The following SBSN variants were observed in gnomAD, a reference collection of about 807,000 sequenced individuals.
SBSN encodes the protein HLAR698.
Under a neutral mutation model 42.8 loss-of-function variants are expected in SBSN, and 33 were observed. The observed-to-expected ratio is 0.77, with a 90% CI of 0.58 to 1.03. The LOEUF is 1.03. SBSN is among the 50% of genes least tolerant of loss of function. SBSN has a pLI of 0.00. For missense variants in SBSN, 646 were observed against 757.3 expected, an observed-to-expected ratio of 0.85 and a Z score of 1.72; for synonymous variants, 276 against 307.0, an observed-to-expected ratio of 0.90 and a Z score of 1.06.
At chr19:35,523,728 G>C (rs977948820) in intron 3 of SBSN, among the ~76,000 whole-genome samples, 195 bp from the exon 4 acceptor site, 2 of 152,188 alleles carry the variant, frequency 1.3e-5, no homozygotes, top group African/African-American at 4.8e-5. Flanking sequence ...AGGCAGAGGG[G>C]CTGGGGCCTC....
chr19:35,524,922 G>A lies in SBSN; in HGVS notation c.1641C>T (p.Gly547=). 1 of 1,613,888 alleles carries A rather than the reference G, an allele frequency of 6.2e-7. No homozygotes were observed. Among genetic ancestry groups the A allele is most frequent in the Middle Eastern group, 1.7e-4 (1 of 6,056 alleles). The part of the protein sequence containing the change: ...ASKEANQLLN[G]NHQSGSSSHQ... ...GGCTGGAAGATCCGCTTTGATGGTT[G>A]CCCTGTGGACAAAGCCCAGACTCTT... Residue 547 remains glycine, a splice_region_variant and synonymous_variant, in exon 2 of 4, where the codon GGC becomes GGT. Coordinates refer to ENST00000452271, the MANE Select transcript of SBSN (RefSeq NM_001166034.2).
In SBSN at chr19:35,528,216, C is replaced by T. The variant is rs768456137; in HGVS notation, c.66G>A (p.Trp22Ter). The T allele has an allele frequency of 1.2e-6, 2 of 1,613,944 alleles. No homozygotes were observed. Among genetic ancestry groups the T allele is most frequent in the Non-Finnish European group, 1.7e-6 (2 of 1,180,024 alleles). ...TCTCAATGGGGTCATCGCTGGCCGCCCATCCAGACAGGGCCCCCAGTAGCA... is the reference window on the plus strand; with the variant it reads ...TCTCAATGGGGTCATCGCTGGCCGCTCATCCAGACAGGGCCCCCAGTAGCA... ...LLLLLGALSGWAASDDPIEKV... is the reference protein window; with the variant it reads ...LLLLLGALSG Residue 22 changes from tryptophan to a stop codon, truncating the protein, a stop_gained, in exon 1 of 4, where the codon TGG becomes TGA. Coordinates refer to ENST00000452271, the MANE Select transcript of SBSN (RefSeq NM_001166034.2). LOFTEE classifies it high-confidence loss of function.
In SBSN at chr19:35,523,462, T is replaced by C. The variant is rs763833261; in HGVS notation, c.*48A>G. The C allele has an allele frequency of 6.2e-7, 1 of 1,600,942 alleles. No homozygotes were observed. Among genetic ancestry groups the C allele is most frequent in the South Asian group, 1.1e-5 (1 of 90,822 alleles). ...CCCAACCCCTCCAGGTCATGTCAGC[T>C]GATGTGACAACGGCGACATTATTCT... On this transcript the variant is annotated 3_prime_UTR_variant, in exon 4 of 4. Coordinates refer to ENST00000452271, the MANE Select transcript of SBSN (RefSeq NM_001166034.2).
chr19:35,525,692 A>G (rs1568672219), intron 1 of SBSN, among the ~76,000 whole-genome samples: 1 of 151,032 alleles, frequency 6.6e-6, no homozygotes, highest in Non-Finnish European at 1.5e-5. Flanking sequence ...TTTTATTATT[A>G]TTTTTTTTGA....
At chr19:35,524,808 C>G in intron 2 of SBSN, 51 bp downstream of exon 2, 1 of 1,613,708 alleles carries the variant, frequency 6.2e-7, no homozygotes, top group Non-Finnish European at 8.5e-7. Context: ...CACAGCCATG[C>G]TAGGGAACTC....
Position 35,523,534 on chromosome 19 carries a change from C to G in SBSN, c.1750-1G>C. ...TTTAGGGCATGATGTTGGCGACGCT[C>G]TGGAAGAGAGAAGGAGAGCAGGGGT... On this transcript the variant is annotated splice_acceptor_variant, in intron 3 of 3. Coordinates refer to ENST00000452271, the MANE Select transcript of SBSN (RefSeq NM_001166034.2). LOFTEE classifies it high-confidence loss of function. The G allele has an allele frequency of 6.2e-7, 1 of 1,614,116 alleles. No homozygotes were observed. The highest frequency in any genetic ancestry group is 8.5e-7 in the Non-Finnish European group (1 of 1,180,022).
rs377199459 is a variant in SBSN at position 35,526,641 on chromosome 19, T to C, written c.1638+3A>G. Reference sequence around the variant, plus strand: ...CCCCATCTCCCCATCCCTGTTCACCTACATTCAGCAGCTGGTTGGCCTCCT... The same window carrying C: ...CCCCATCTCCCCATCCCTGTTCACCCACATTCAGCAGCTGGTTGGCCTCCT... On this transcript the variant is annotated splice_donor_region_variant and intron_variant, in intron 1 of 3. Transcript: ENST00000452271. 311 of 869,486 alleles carry C rather than the reference T, an allele frequency of 3.6e-4. 1 individual carries two copies. The African/African-American group carries it at 6.5e-3, about 18-fold the overall frequency. The allele number at this position is 869,486 out of a possible 1,614,324, so 53.9% of individuals were successfully genotyped here. A position where few individuals can be genotyped will look rare whatever the true frequency, so the allele number is the denominator to read the frequency against.
chr19:35,524,806 T>C, intron 2 of SBSN, 51 bp from the exon 3 acceptor site: 1 of 1,613,616 alleles, frequency 6.2e-7, no homozygotes. Context: ...CCCACAGCCA[T>C]GCTAGGGAAC....
At chr19:35,523,610 T>TTGTGCTTCTCCCGAGGGG in intron 3 of SBSN, 77 bp from the exon 4 acceptor site, 4 of 1,458,410 alleles carry the variant, frequency 2.7e-6, no homozygotes, top group Non-Finnish European at 3.9e-6. Flanking sequence ...GCCCCGCCCC[T>TTGTGCTTCTCCCGAGGGG]CGGGAGAAGC....
Position 35,527,376 on chromosome 19 carries a change from A to T in SBSN, c.906T>A (p.His302Gln), listed in dbSNP as rs374171492. The T allele has an allele frequency of 6.4e-7, 1 of 1,557,704 alleles. No individual in the cohort carries two copies. Residue 302 changes from histidine (H) to glutamine (Q), a missense_variant, in exon 1 of 4, where the codon CAT becomes CAA. By Grantham distance (24) the His-to-Gln change is conservative (BLOSUM62 0). Transcript: ENST00000452271. ...CCTCATTTCCGGCCTGCCCCGCAGC[A>T]TGGTGGGCCCCCTGGCCAAACTTCT... is the stretch of plus-strand genomic sequence containing the variant. ...EAEKFGQGAH[H>Q]AAGQAGNEAG...
intron 1 of SBSN, 38 bp downstream of exon 1, chr19:35,526,606 C>CCCCCCCCCCT: frequency 1.4e-6 from 1 of 738,426 alleles, no homozygotes; most frequent in Non-Finnish European, 2.1e-6. Context: ...CCTCCCCCAA[C>CCCCCCCCCCT]CCCCCTGTCC....
rs771626348 is a variant in SBSN at position 35,527,209 on chromosome 19, G to A, written c.1073C>T (p.Ala358Val). Residue 358 changes from alanine to valine, a missense_variant, in exon 1 of 4, where the codon GCC becomes GTC. By Grantham distance (64) the Ala-to-Val change is moderately conservative. This residue lies in a region of SBSN where 220 missense variants were observed against 334.5 expected (regional missense o/e 0.66). Transcript: ENST00000452271. Reference sequence around the variant, plus strand: ...CTCTGTTTCCTTCCCAAACTGACTGGCAGCATGGTGGACCCCCTGGCCAAA... The same window carrying A: ...CTCTGTTTCCTTCCCAAACTGACTGACAGCATGGTGGACCCCCTGGCCAAA... The part of the protein sequence containing the change: ...EKFGQGVHHA[A>V]SQFGKETEKL... 6.5e-6 allele frequency: 10 copies of A among 1,535,476 alleles called. No homozygotes were observed. The highest frequency in any genetic ancestry group is 1.7e-4 in the Middle Eastern group (1 of 6,004).
intron 1 of SBSN, among the ~76,000 whole-genome samples, chr19:35,526,153 T>G (rs917768935): frequency 5.3e-5 from 8 of 152,288 alleles, no homozygotes; most frequent in African/African-American, 7.2e-5. Flanking sequence ...TATCTGAGAA[T>G]CAGGGCGTCA....
rs747395620 is a variant in SBSN at position 35,528,032 on chromosome 19, C to T, written c.250G>A (p.Asp84Asn). The change falls in exon 1 of 4, where the codon GAC becomes AAC. Residue 84 changes from aspartate (D) to asparagine (N), a missense_variant. Transcript: ENST00000452271. The part of the protein sequence containing the change: ...NMGSHTGKEL[D>N]KGVQGLNHGM... ...TGGTTGAGCCCCTGGACGCCTTTGT[C>T]CAACTCCTTGCCGGTGTGGCTCCCC... is the stretch of plus-strand genomic sequence containing the variant. 3.1e-6 allele frequency: 5 copies of T among 1,613,840 alleles called. No individual in the cohort carries two copies. Among genetic ancestry groups the T allele is most frequent in the Non-Finnish European group, 4.2e-6 (5 of 1,180,032 alleles).
At position 35,523,471 on chromosome 19, in the gene SBSN, A is replaced by C; in HGVS notation, c.*39T>G. 1 of 1,611,230 alleles carries C rather than the reference A, an allele frequency of 6.2e-7. No individual in the cohort carries two copies. The highest frequency in any genetic ancestry group is 8.5e-7 in the Non-Finnish European group (1 of 1,177,662). The stretch of plus-strand genomic sequence containing the variant: ...TCCAGGTCATGTCAGCTGATGTGAC[A>C]ACGGCGACATTATTCTCCCAGCAAG... On this transcript the variant is annotated 3_prime_UTR_variant, in exon 4 of 4. Coordinates refer to ENST00000452271, the MANE Select transcript of SBSN (RefSeq NM_001166034.2).
intron 1 of SBSN, among the ~76,000 whole-genome samples, chr19:35,525,284 AT>A (rs1349247605): frequency 2.0e-5 from 3 of 152,002 alleles, no homozygotes; most frequent in Non-Finnish European, 4.4e-5. Context: ...GTCTAGCTGC[AT>A]CCCTAACTCC....
intron 1 of SBSN, 72 bp from the exon 2 acceptor site, chr19:35,524,996 G>A (rs2071354251): frequency 1.3e-6 from 2 of 1,522,746 alleles, no homozygotes; most frequent in Middle Eastern, 2.1e-4. Context: ...TTTCCCCAGG[G>A]ACCTGGTCCC....
chr19:35,526,672 G>T lies in SBSN; in HGVS notation c.1610C>A (p.Ala537Asp). The T allele has an allele frequency of 3.1e-6, 5 of 1,612,068 alleles. No individual in the cohort carries two copies. Among genetic ancestry groups the T allele is most frequent in the Non-Finnish European group, 4.2e-6 (5 of 1,179,420 alleles). ...CAGCAGCTGGTTGGCCTCCTTGCTGGCTTGGTTGACCCCATTATGAGCATT... is the reference window on the plus strand; with the variant it reads ...CAGCAGCTGGTTGGCCTCCTTGCTGTCTTGGTTGACCCCATTATGAGCATT... ...LQNAHNGVNQ[A>D]SKEANQLLNG... The change falls in exon 1 of 4, where the codon GCC becomes GAC. Residue 537 changes from alanine to aspartate, a missense_variant. Physicochemically the swap from Ala to Asp is moderately radical, Grantham distance 126. Transcript: ENST00000452271.
chr19:35,527,391 GC>G lies in SBSN; in HGVS notation c.890del (p.Gly297AlafsTer143), dbSNP rs1158630654. ...GCCCCGCAGCATGGTGGGCCCCCTG[GC>G]CAAACTTCTCTGCCTCCTTCCCAAC... The part of the protein sequence containing the change: ...GQVGKEAEKF[G>X]QGAHHAAGQA... On this transcript the variant is annotated frameshift_variant, in exon 1 of 4. Coordinates refer to ENST00000452271, the MANE Select transcript of SBSN (RefSeq NM_001166034.2). LOFTEE classifies it high-confidence loss of function. 6.4e-6 allele frequency: 10 copies of G among 1,569,590 alleles called. No individual in the cohort carries two copies. Among genetic ancestry groups the G allele is most frequent in the Non-Finnish European group, 8.6e-6 (10 of 1,167,838 alleles).
Sources: gnomAD v4.1 joint callset for allele counts (sites outside exome capture counted in the v4.1 genomes callset) on GRCh38, gnomAD v4.1.1 for gene constraint, gnomAD v4.1.1 regional missense constraint, MANE v1.5 for transcripts, NCBI Gene and HGNC (gene_info 2026-07-23, HGNC 2026-07-21) for gene names.